Variants in SHISA9 observed in about 807,000 individuals in gnomAD.
SHISA9 encodes protein shisa-9.
SHISA9 carries 13 observed loss-of-function variants against 38.0 expected under a neutral mutation model. That is an observed-to-expected ratio of 0.34 (90% CI 0.22 to 0.54). The LOEUF is 0.54. SHISA9 is among the 20% of genes least tolerant of loss of function. SHISA9 has a pLI of 0.91. For missense variants in SHISA9, 538 were observed against 575.8 expected, an observed-to-expected ratio of 0.93 and a Z score of 0.67; for synonymous variants, 275 against 242.0, an observed-to-expected ratio of 1.14 and a Z score of -1.27.
At chr16:13,400,876 G>A in the SHISA9 span, among the ~76,000 whole-genome samples, 1 of 152,178 alleles carries the variant, frequency 6.6e-6, no homozygotes, top group Non-Finnish European at 1.5e-5. Context: ...CAACTCCATG[G>A]AAGAAAGAAA....
At chr16:13,342,495 A>T in the SHISA9 span, among the ~76,000 whole-genome samples, 1 of 152,302 alleles carries the variant, frequency 6.6e-6, no homozygotes, top group South Asian at 2.1e-4. Flanking sequence ...CATGTTGGTC[A>T]GACTGGTCTC....
the SHISA9 span, among the ~76,000 whole-genome samples, chr16:13,262,123 T>A: frequency 6.6e-6 from 1 of 152,100 alleles, no homozygotes; most frequent in Non-Finnish European, 1.5e-5. Flanking sequence ...AACCAACATC[T>A]CCACTATCCT....
chr16:13,488,765 A>T, the SHISA9 span, among the ~76,000 whole-genome samples: 1,235 of 152,202 alleles, frequency 8.1e-3, 13 homozygotes, highest in African/African-American at 0.027. Flanking sequence ...TTTTAATTTT[A>T]ATTTTTATTT....
At chr16:13,035,536 CTT>C (rs35776381) in intron 2 of SHISA9, among the ~76,000 whole-genome samples, 109,380 of 148,368 alleles carry the variant, frequency 0.74, 40,667 homozygotes, top group African/African-American at 0.88. Flanking sequence ...TAATTTTCAG[CTT>C]TTTTTTTTTT....
chr16:13,225,388 A>G (rs1279702100), intron 4 of SHISA9, among the ~76,000 whole-genome samples: 1 of 152,178 alleles, frequency 6.6e-6, no homozygotes, highest in African/African-American at 2.4e-5. Flanking sequence ...TGTGTTCACA[A>G]TAGGTATGGA....
At position 13,206,412 on chromosome 16, in the gene SHISA9, C is replaced by T. The variant is rs571577081; in HGVS notation, c.847+2863C>T. Among the ~76,000 whole-genome samples, 192 of 152,240 alleles carry T rather than the reference C, an allele frequency of 1.3e-3. 1 individual carries two copies. Among genetic ancestry groups the T allele is most frequent in the African/African-American group, 4.5e-3 (185 of 41,526 alleles). On this transcript the variant is annotated intron_variant, in intron 3 of 4. Coordinates refer to ENST00000558583, the MANE Select transcript of SHISA9 (RefSeq NM_001145204.3). ...GATTTCAGTATGAAATATGCTAATC[C>T]TGTTATAAACTAACACCAGAACCCA... is the stretch of plus-strand genomic sequence containing the variant.
At chr16:13,267,720 C>A in the SHISA9 span, among the ~76,000 whole-genome samples, 1 of 152,126 alleles carries the variant, frequency 6.6e-6, no homozygotes, top group South Asian at 2.1e-4. Context: ...GTCAGACCAA[C>A]CTGAATCTAT....
intron 2 of SHISA9, among the ~76,000 whole-genome samples, chr16:13,198,217 T>C (rs1480502934): frequency 6.8e-6 from 1 of 147,840 alleles, no homozygotes; most frequent in Non-Finnish European, 1.5e-5. Context: ...TGTATATGCA[T>C]ACATATATAC....
At chr16:13,484,993 A>G in the SHISA9 span, among the ~76,000 whole-genome samples, 1 of 151,866 alleles carries the variant, frequency 6.6e-6, no homozygotes, top group Admixed American at 6.6e-5. Flanking sequence ...TGTATCAGTC[A>G]AGTGATGCTG....
intron 4 of SHISA9, among the ~76,000 whole-genome samples, chr16:13,221,271 A>T (rs1217957269): frequency 1.3e-5 from 2 of 152,124 alleles, no homozygotes; most frequent in Non-Finnish European, 2.9e-5. Context: ...GTGAAGTGCA[A>T]CTAATTCACC....
At chr16:13,423,516 T>C in the SHISA9 span, among the ~76,000 whole-genome samples, 1 of 152,188 alleles carries the variant, frequency 6.6e-6, no homozygotes, top group Non-Finnish European at 1.5e-5. Context: ...CCTAAGTTCT[T>C]TGGCTTTCGG....
At chr16:13,377,483 G>A in the SHISA9 span, among the ~76,000 whole-genome samples, 1 of 152,160 alleles carries the variant, frequency 6.6e-6, no homozygotes, top group Non-Finnish European at 1.5e-5. Context: ...CTGTTACCTG[G>A]ACTGCTAGGC....
At chr16:13,287,134 C>T in the SHISA9 span, among the ~76,000 whole-genome samples, 1 of 152,120 alleles carries the variant, frequency 6.6e-6, no homozygotes, top group Admixed American at 6.5e-5. Context: ...AACACTGTAA[C>T]ATGGCCCTAC....
chr16:13,216,139 A>G (rs2051165682), intron 4 of SHISA9, among the ~76,000 whole-genome samples: 2 of 150,326 alleles, frequency 1.3e-5, no homozygotes, highest in Admixed American at 1.3e-4. Context: ...GTGAGCCAAG[A>G]TCATGCCACT....
chr16:13,538,867 A>G, the SHISA9 span, among the ~76,000 whole-genome samples: 15 of 152,286 alleles, frequency 9.8e-5, no homozygotes, highest in Non-Finnish European at 1.9e-4. Flanking sequence ...CAAAACTTTA[A>G]TAACACAATC....
chr16:13,007,139 C>T (rs1243654920), intron 2 of SHISA9, among the ~76,000 whole-genome samples: 4 of 152,208 alleles, frequency 2.6e-5, no homozygotes, highest in Non-Finnish European at 5.9e-5. Flanking sequence ...AACTCGTTCT[C>T]TAGGAACTTC....
intron 2 of SHISA9, among the ~76,000 whole-genome samples, chr16:12,958,442 A>T (rs1246074390): frequency 6.6e-6 from 1 of 152,208 alleles, no homozygotes; most frequent in East Asian, 1.9e-4. Context: ...CTGAAGCCCA[A>T]ATCTCTGCTT....
At chr16:13,476,015 G>A in the SHISA9 span, among the ~76,000 whole-genome samples, 2,926 of 152,260 alleles carry the variant, frequency 0.019, 95 homozygotes, top group African/African-American at 0.068. Flanking sequence ...ACCTCCTGCT[G>A]TGTGGCCCAT....
the SHISA9 span, among the ~76,000 whole-genome samples, chr16:13,420,372 C>T: frequency 1.3e-5 from 2 of 151,602 alleles, no homozygotes; most frequent in Non-Finnish European, 2.9e-5. Context: ...TATGATCCTC[C>T]CCTCACAGAA....
Sources: gnomAD v4.1 joint callset for allele counts (sites outside exome capture counted in the v4.1 genomes callset) on GRCh38, gnomAD v4.1.1 for gene constraint, MANE v1.5 for transcripts, NCBI Gene and HGNC (gene_info 2026-07-23, HGNC 2026-07-21) for gene names.